Variants in PVT1 observed in about 807,000 individuals in gnomAD.
PVT1 encodes the protein CXCR4/PVT1 fusion.
At chr8:127,962,326 T>C (rs1816654595) in intron 3 of PVT1, among the ~76,000 whole-genome samples, 1 of 152,040 alleles carries the variant, frequency 6.6e-6, no homozygotes, top group African/African-American at 2.4e-5. Context: ...ATTTAGGGGG[T>C]TGTTGTTGTA....
chr8:127,880,158 A>C (rs1204068727), intron 2 of PVT1, among the ~76,000 whole-genome samples: 1 of 149,814 alleles, frequency 6.7e-6, no homozygotes, highest in Non-Finnish European at 1.5e-5. Flanking sequence ...ATCTTAGTAC[A>C]GCCTGAAAGC....
intron 6 of PVT1, among the ~76,000 whole-genome samples, chr8:128,098,406 C>G (rs1307690876): frequency 6.6e-6 from 1 of 152,078 alleles, no homozygotes; most frequent in East Asian, 1.9e-4. Context: ...AGACAGCTGC[C>G]AAGGGGAACG....
rs538496551 is a variant in PVT1, at chr8:127,982,975, G to C, written n.783-6187G>C. Among the ~76,000 whole-genome samples the C allele has an allele frequency of 3.3e-3, 499 of 152,330 alleles. 1 individual carries two copies. The highest frequency in any genetic ancestry group is 0.011 in the African/African-American group (477 of 41,572). ...CACAGTGGTGGGGGCAGTGTGATGG[G>C]AGTACACAGGGCAGGGAGACACGGG... On this transcript the variant is annotated intron_variant and non_coding_transcript_variant, in intron 3 of 10. Coordinates refer to ENST00000651587, the Ensembl canonical transcript of PVT1.
chr8:127,827,428 T>C (rs905595267), intron 2 of PVT1, among the ~76,000 whole-genome samples: 4 of 152,188 alleles, frequency 2.6e-5, no homozygotes, highest in Non-Finnish European at 4.4e-5. Flanking sequence ...ACTGCTCCTC[T>C]GGTTCACCCC....
intron 3 of PVT1, among the ~76,000 whole-genome samples, chr8:127,893,642 C>T (rs142529655): frequency 2.6e-5 from 4 of 152,352 alleles, no homozygotes; most frequent in Non-Finnish European, 5.9e-5. Flanking sequence ...GACTCCAAAG[C>T]CACTGCACAA....
At chr8:128,072,522 T>C (rs1814010203) in intron 5 of PVT1, among the ~76,000 whole-genome samples, 1 of 152,246 alleles carries the variant, frequency 6.6e-6, no homozygotes, top group South Asian at 2.1e-4. Flanking sequence ...ATATGTCACT[T>C]TATATTATGT....
At chr8:127,962,046 C>A (rs1816649595) in intron 3 of PVT1, among the ~76,000 whole-genome samples, 1 of 152,258 alleles carries the variant, frequency 6.6e-6, no homozygotes, top group Non-Finnish European at 1.5e-5. Flanking sequence ...GCGATCTCGC[C>A]TCACTGCAAC....
chr8:127,880,434 C>T lies in PVT1; in HGVS notation n.373-10155C>T, dbSNP rs537764727. Reference sequence around the variant, plus strand: ...CCTCCTGAGTAGCTGGGACTACAGGCGCTCGCCACCACGCCCGGCTAATTT... The same window carrying T: ...CCTCCTGAGTAGCTGGGACTACAGGTGCTCGCCACCACGCCCGGCTAATTT... On this transcript the variant is annotated intron_variant and non_coding_transcript_variant, in intron 2 of 10. Coordinates refer to ENST00000651587, the Ensembl canonical transcript of PVT1. 6.6e-5 allele frequency among the ~76,000 whole-genome samples: 10 copies of T among 151,400 alleles called. No individual in the cohort carries two copies. In the East Asian group the frequency reaches 1.4e-3, roughly 21 times the overall value.
At chr8:128,017,465 A>G (rs1018304485) in intron 4 of PVT1, among the ~76,000 whole-genome samples, 1 of 152,172 alleles carries the variant, frequency 6.6e-6, no homozygotes, top group Non-Finnish European at 1.5e-5. Flanking sequence ...TTTCTGAGAC[A>G]GAGTCTTGCT....
chr8:127,796,475 T>G (rs1024261087), intron 2 of PVT1, among the ~76,000 whole-genome samples: 25 of 152,126 alleles, frequency 1.6e-4, no homozygotes, highest in Non-Finnish European at 2.4e-4. Context: ...GTTCTTTAGT[T>G]GTTTTTTTTT....
At chr8:128,020,417 T>G (rs73707173) in intron 4 of PVT1, among the ~76,000 whole-genome samples, 8,727 of 152,142 alleles carry the variant, frequency 0.057, 777 homozygotes, top group African/African-American at 0.19. Context: ...CATGAAAGAT[T>G]GTAAGTGTGA....
At chr8:127,874,790 C>T (rs1815387130) in intron 2 of PVT1, among the ~76,000 whole-genome samples, 1 of 152,214 alleles carries the variant, frequency 6.6e-6, no homozygotes, top group Non-Finnish European at 1.5e-5. Context: ...CCACCCTTCC[C>T]TTCCTTCACA....
At chr8:128,016,290 G>A (rs1381194951) in intron 4 of PVT1, among the ~76,000 whole-genome samples, 48 of 150,750 alleles carry the variant, frequency 3.2e-4, no homozygotes, top group African/African-American at 1.1e-3. Flanking sequence ...AAAAAAAAAA[G>A]GGGGCGAGGA....
At chr8:127,860,458 G>A (rs1168551940) in intron 2 of PVT1, among the ~76,000 whole-genome samples, 2 of 152,096 alleles carry the variant, frequency 1.3e-5, no homozygotes, top group Non-Finnish European at 2.9e-5. Flanking sequence ...TTTGCTGATA[G>A]GCAGCCCTGT....
intron 2 of PVT1, among the ~76,000 whole-genome samples, chr8:127,817,382 TATC>T (rs1041236235): frequency 1.3e-4 from 6 of 46,606 alleles, no homozygotes; most frequent in African/African-American, 4.8e-4. Flanking sequence ...TAAATATATA[TATC>T]TATTTAATAT....
At chr8:128,003,625 G>A (rs369200601) in intron 4 of PVT1, among the ~76,000 whole-genome samples, 10 of 152,214 alleles carry the variant, frequency 6.6e-5, no homozygotes, top group East Asian at 5.8e-4. Context: ...GCGCCATTGC[G>A]CCTGGCCTGT....
intron 4 of PVT1, among the ~76,000 whole-genome samples, chr8:128,061,637 T>C (rs891613066): frequency 2.0e-5 from 3 of 152,252 alleles, no homozygotes; most frequent in Admixed American, 1.3e-4. Context: ...TGCTCGTTCT[T>C]GGGCTCATTA....
At chr8:127,901,317 T>G (rs1815755657) in intron 3 of PVT1, among the ~76,000 whole-genome samples, 1 of 152,116 alleles carries the variant, frequency 6.6e-6, no homozygotes, top group Non-Finnish European at 1.5e-5. Context: ...AGTGACCCAT[T>G]GCAGGAAGAG....
chr8:127,863,478 T>A (rs887634002), intron 2 of PVT1, among the ~76,000 whole-genome samples: 1 of 152,176 alleles, frequency 6.6e-6, no homozygotes, highest in Non-Finnish European at 1.5e-5. Flanking sequence ...CCTTCTGTCT[T>A]CATAAACAAA....
Sources: allele counts gnomAD v4.1 joint callset (sites outside exome capture counted in the v4.1 genomes callset), GRCh38; gene constraint gnomAD v4.1.1; transcripts MANE v1.5; gene names NCBI Gene and HGNC (gene_info 2026-07-23, HGNC 2026-07-21).